Variants in XXYLT1 observed in about 807,000 individuals in gnomAD.
XXYLT1 encodes UDP-xylose:alpha-xyloside alpha-1,3-xylosyltransferase.
A neutral mutation model predicts 28.9 loss-of-function variants in XXYLT1; 20 were observed. The ratio of observed to expected loss-of-function variants is 0.69; its 90% CI spans 0.49 to 1.00. XXYLT1 has a LOEUF of 1.00. Among genes scored for constraint, XXYLT1 ranks in the 50% least tolerant of loss-of-function variants. The pLI, the probability that XXYLT1 is intolerant of heterozygous loss-of-function variation, is 0.00. For synonymous variants in XXYLT1, 257 were observed against 253.8 expected (o/e 1.01, Z -0.12); for missense variants, 542 against 560.1 (o/e 0.97, Z 0.33).
At chr3:195,130,910 C>A (rs55879118) in intron 3 of XXYLT1, among the ~76,000 whole-genome samples, 47,083 of 151,850 alleles carry the variant, frequency 0.31, 8,225 homozygotes, top group East Asian at 0.68. Flanking sequence ...CCATACGCTC[C>A]GAAAAACAAG....
intron 2 of XXYLT1, among the ~76,000 whole-genome samples, 196 bp downstream of exon 2, chr3:195,226,513 G>T (rs2108801821): frequency 6.6e-6 from 1 of 152,196 alleles, no homozygotes; most frequent in African/African-American, 2.4e-5. Flanking sequence ...CGGGAGCTAT[G>T]CAACCAAGGC....
intron 1 of XXYLT1, among the ~76,000 whole-genome samples, chr3:195,245,061 G>A (rs762944400): frequency 5.3e-5 from 8 of 151,370 alleles, no homozygotes; most frequent in Non-Finnish European, 7.4e-5. Context: ...AGCTACTCAG[G>A]AGGCTGAGGC....
chr3:195,125,984 G>A (rs1205424662), intron 3 of XXYLT1, among the ~76,000 whole-genome samples: 1 of 151,000 alleles, frequency 6.6e-6, no homozygotes, highest in Non-Finnish European at 1.5e-5. Context: ...AAGACACAAG[G>A]AGTGCCCCCA....
Position 195,203,124 on chromosome 3 carries a change from T to A in XXYLT1, c.652+23585A>T, listed in dbSNP as rs188509643. ...ACACCTGCCCACAACACAAATTTTT[T>A]AAAAACCTTCATAGAAAAAAAGTTA... is the stretch of plus-strand genomic sequence containing the variant. On this transcript the variant is annotated intron_variant, in intron 2 of 3. Transcript: ENST00000310380. Among the ~76,000 whole-genome samples, 980 of 151,970 alleles carry A rather than the reference T, an allele frequency of 6.4e-3. 2 individuals carry two copies. The highest frequency in any genetic ancestry group is 0.011 in the Non-Finnish European group (736 of 67,968).
intron 2 of XXYLT1, among the ~76,000 whole-genome samples, chr3:195,213,647 T>C (rs1723431302): frequency 6.6e-6 from 1 of 152,244 alleles, no homozygotes; most frequent in Non-Finnish European, 1.5e-5. Context: ...CATTCTGTGG[T>C]CAATCGTGTG....
At chr3:195,088,312 T>A (rs1262067811) in intron 3 of XXYLT1, among the ~76,000 whole-genome samples, 3 of 149,788 alleles carry the variant, frequency 2.0e-5, no homozygotes. Flanking sequence ...AGAGCAGTGG[T>A]TCTCCCAGCA....
In XXYLT1 at chr3:195,210,168, C is replaced by T. The variant is rs1054513216; in HGVS notation, c.652+16541G>A. On this transcript the variant is annotated intron_variant, in intron 2 of 3. Coordinates refer to ENST00000310380, the MANE Select transcript of XXYLT1 (RefSeq NM_152531.5). This position sits in a 1 kb window ranked among gnomAD's most constrained non-coding sequence, Gnocchi z 4.8. Reference sequence around the variant, plus strand: ...TTCAAGGCTAACCTCTCCTCATCCTCCTCAAAGCTTCCTCTCTGTGCCCTG... The same window carrying T: ...TTCAAGGCTAACCTCTCCTCATCCTTCTCAAAGCTTCCTCTCTGTGCCCTG... 5.9e-5 allele frequency among the ~76,000 whole-genome samples: 9 copies of T among 152,226 alleles called. No homozygotes were observed. The highest frequency in any genetic ancestry group is 1.3e-4 in the Non-Finnish European group (9 of 68,040).
intron 3 of XXYLT1, chr3:195,146,976 A>C (rs1043918333): frequency 2.0e-5 from 3 of 153,702 alleles, no homozygotes; most frequent in Non-Finnish European, 2.9e-5. Context: ...AGTAGCTGGA[A>C]CTACAGGTGC....
chr3:195,156,393 G>A, intron 3 of XXYLT1, 56 bp downstream of exon 3: 1 of 1,589,436 alleles, frequency 6.3e-7, no homozygotes, highest in Non-Finnish European at 8.6e-7. Context: ...GCAGAAGAGA[G>A]AGGGTGAAGG....
chr3:195,234,065 C>T (rs943198255), intron 1 of XXYLT1, among the ~76,000 whole-genome samples: 118 of 151,302 alleles, frequency 7.8e-4, no homozygotes, highest in Middle Eastern at 6.9e-3. Flanking sequence ...TACAGACGCC[C>T]GCCACTACGC....
intron 3 of XXYLT1, among the ~76,000 whole-genome samples, chr3:195,145,123 C>A (rs958081598): frequency 6.6e-6 from 1 of 152,196 alleles, no homozygotes; most frequent in Admixed American, 6.5e-5. Context: ...GTTCCAAGTT[C>A]GTGATCCTTG....
chr3:195,189,156 C>T (rs1486753746), intron 2 of XXYLT1, among the ~76,000 whole-genome samples: 1 of 152,192 alleles, frequency 6.6e-6, no homozygotes, highest in Non-Finnish European at 1.5e-5. Context: ...ACACATGTGA[C>T]TTGCCCACTA....
intron 3 of XXYLT1, among the ~76,000 whole-genome samples, chr3:195,074,123 G>A (rs922222044): frequency 3.9e-5 from 6 of 152,092 alleles, no homozygotes; most frequent in Non-Finnish European, 8.8e-5. Flanking sequence ...TCCTCAGGTC[G>A]AGTTCACCAC....
chr3:195,154,839 C>T (rs1051276186), intron 3 of XXYLT1, among the ~76,000 whole-genome samples: 7 of 152,166 alleles, frequency 4.6e-5, no homozygotes, highest in African/African-American at 1.7e-4. Flanking sequence ...GCCTGAGGCC[C>T]CTCAAATTCT....
At chr3:195,171,150 C>T (rs1721385043) in intron 2 of XXYLT1, among the ~76,000 whole-genome samples, 1 of 152,196 alleles carries the variant, frequency 6.6e-6, no homozygotes, top group South Asian at 2.1e-4. Context: ...AGTTAACAGC[C>T]AGCAAAGGCA....
rs887226670 is a variant in XXYLT1 at position 195,069,968 on chromosome 3, A to T, written c.929T>A (p.Leu310Gln). 5 of 1,611,332 alleles carry T rather than the reference A, an allele frequency of 3.1e-6. No individual in the cohort carries two copies. The highest frequency in any genetic ancestry group is 4.2e-6 in the Non-Finnish European group (5 of 1,179,702). Residue 310 changes from leucine (L) to glutamine (Q), a missense_variant, in exon 4 of 4, where the codon CTG (leucine) becomes CAG (glutamine). By Grantham distance (113) the Leu-to-Gln change is moderately radical. Transcript: ENST00000310380. ...MRQSPLYSRL[L>Q]EPAQVQQLAD... ...CAGCTGCTGCACCTGCGCCGGCTCC[A>T]GCAGGCGGCTGTAGAGCGGGGACTG... is the stretch of plus-strand genomic sequence containing the variant.
At chr3:195,119,953 G>T (rs976274145) in intron 3 of XXYLT1, among the ~76,000 whole-genome samples, 1 of 152,142 alleles carries the variant, frequency 6.6e-6, no homozygotes, top group Non-Finnish European at 1.5e-5. Context: ...GGAGCAGCCT[G>T]TCCCTGCATT....
intron 3 of XXYLT1, chr3:195,122,217 C>A: frequency 1.4e-6 from 1 of 701,878 alleles, no homozygotes; most frequent in Non-Finnish European, 2.6e-6. Flanking sequence ...TCTCCAAAGG[C>A]CCCACCTCCT....
intron 3 of XXYLT1, among the ~76,000 whole-genome samples, chr3:195,116,189 C>G (rs1472234947): frequency 6.6e-6 from 1 of 152,148 alleles, no homozygotes; most frequent in Non-Finnish European, 1.5e-5. Context: ...CCACCACGAG[C>G]GGTGGAATCT....
Sources: allele counts gnomAD v4.1 joint callset (sites outside exome capture counted in the v4.1 genomes callset), GRCh38; gene constraint gnomAD v4.1.1; non-coding constraint Gnocchi (gnomAD v3.1); transcripts MANE v1.5; gene names NCBI Gene and HGNC (gene_info 2026-07-23, HGNC 2026-07-21).